The following CSMD1 variants were observed in gnomAD, a reference collection of about 807,000 sequenced individuals.
The protein encoded by CSMD1 is CUB and Sushi multiple domains 1.
CSMD1 carries 213 observed loss-of-function variants against 417.5 expected under a neutral mutation model. The ratio of observed to expected loss-of-function variants is 0.51; its 90% CI spans 0.46 to 0.57. CSMD1 has a LOEUF of 0.57. Ranked by LOEUF, CSMD1 falls within the 20% of genes least tolerant of loss-of-function variation. The pLI, the probability that CSMD1 is intolerant of heterozygous loss-of-function variation, is 0.00. For synonymous variants in CSMD1, 2,862 were observed against 1,736.8 expected, an observed-to-expected ratio of 1.65 and a Z score of -16.11; for missense variants, 6,923 against 4,529.7, an observed-to-expected ratio of 1.53 and a Z score of -15.17.
At chr8:3,102,767 G>A (rs74356760) in intron 46 of CSMD1, among the ~76,000 whole-genome samples, 3,834 of 152,176 alleles carry the variant, frequency 0.025, 138 homozygotes, top group East Asian at 0.18. Context: ...GAGTGTTTCC[G>A]TTAAATATTA....
rs539087825 is a variant in CSMD1 at position 3,054,713 on chromosome 8, A to T, written c.7475-2066T>A. On this transcript the variant is annotated intron_variant, in intron 49 of 69. Transcript: ENST00000635120. ...TGTGCGCACGTGTGTACGTGTGTGT[A>T]CATGTGTGTAGTACATGTGTGTATG... Among the ~76,000 whole-genome samples the T allele has an allele frequency of 2.0e-5, 3 of 152,320 alleles. No individual in the cohort carries two copies. The South Asian group carries it at 6.2e-4, about 32-fold the overall frequency.
chr8:4,877,451 A>G (rs957708532), intron 1 of CSMD1, among the ~76,000 whole-genome samples: 27 of 152,090 alleles, frequency 1.8e-4, no homozygotes, highest in African/African-American at 5.8e-4. Flanking sequence ...TATAAACACC[A>G]GATGTTATAA....
chr8:3,980,373 T>A (rs12677913), intron 5 of CSMD1, among the ~76,000 whole-genome samples: 102 of 151,962 alleles, frequency 6.7e-4, no homozygotes, highest in African/African-American at 2.4e-3. Context: ...ACGCGGTATT[T>A]TAAGTGTTGA....
intron 26 of CSMD1, among the ~76,000 whole-genome samples, chr8:3,237,913 T>A (rs2116949938): frequency 6.8e-6 from 1 of 146,490 alleles, no homozygotes; most frequent in East Asian, 2.0e-4. Flanking sequence ...ACTTATATAT[T>A]TTTGTATATT....
chr8:3,455,374 G>A (rs992467482), intron 12 of CSMD1, among the ~76,000 whole-genome samples: 1 of 152,214 alleles, frequency 6.6e-6, no homozygotes, highest in Non-Finnish European at 1.5e-5. Flanking sequence ...TTCCTTTGGA[G>A]GAGGAGAGGC....
chr8:4,656,422 A>G (rs1428602640), intron 1 of CSMD1, among the ~76,000 whole-genome samples: 2 of 152,076 alleles, frequency 1.3e-5, no homozygotes, highest in Non-Finnish European at 1.5e-5. Flanking sequence ...GGACTAATGT[A>G]TCATTATATT....
At chr8:4,171,055 T>G (rs17069207) in intron 3 of CSMD1, among the ~76,000 whole-genome samples, 3,432 of 151,944 alleles carry the variant, frequency 0.023, 215 homozygotes, top group African/African-American at 0.078. Flanking sequence ...TCCATCCTCA[T>G]CTGTCAGTGT....
chr8:4,414,289 G>C (rs75693736), intron 3 of CSMD1, among the ~76,000 whole-genome samples: 4,321 of 152,276 alleles, frequency 0.028, 101 homozygotes, highest in African/African-American at 0.067. Context: ...ACCCTGGTAA[G>C]AGGAAGCCCC....
intron 3 of CSMD1, among the ~76,000 whole-genome samples, chr8:4,401,300 A>T (rs988079650): frequency 6.6e-6 from 1 of 152,174 alleles, no homozygotes; most frequent in Non-Finnish European, 1.5e-5. Flanking sequence ...GTGCTTTTAT[A>T]ATATTTCTAC....
At chr8:4,582,825 G>C (rs1160789677) in intron 2 of CSMD1, among the ~76,000 whole-genome samples, 1 of 152,218 alleles carries the variant, frequency 6.6e-6, no homozygotes, top group Admixed American at 6.5e-5. Context: ...GGGAGGTGTG[G>C]AGGGAGAGGC....
intron 11 of CSMD1, among the ~76,000 whole-genome samples, chr8:3,471,716 C>T (rs1017050285): frequency 1.4e-5 from 2 of 143,402 alleles, no homozygotes; most frequent in African/African-American, 5.1e-5. Flanking sequence ...TTCCTTCCTT[C>T]CTTCCTTGCT....
chr8:3,886,428 G>A (rs530507118), intron 5 of CSMD1, among the ~76,000 whole-genome samples: 247 of 152,264 alleles, frequency 1.6e-3, no homozygotes, highest in Admixed American at 3.4e-3. Flanking sequence ...GAATGTAATC[G>A]ATTTAACATA....
chr8:4,839,965 T>A (rs188243154), intron 1 of CSMD1, among the ~76,000 whole-genome samples: 1 of 152,294 alleles, frequency 6.6e-6, no homozygotes, highest in East Asian at 1.9e-4. Flanking sequence ...TCTTCAGTGT[T>A]TGCAAGTGTA....
intron 1 of CSMD1, among the ~76,000 whole-genome samples, chr8:4,893,033 G>A (rs543360153): frequency 1.3e-5 from 2 of 152,258 alleles, no homozygotes; most frequent in Middle Eastern, 6.8e-3. Flanking sequence ...CATGGTCAAT[G>A]TCAAACTGAC....
intron 1 of CSMD1, among the ~76,000 whole-genome samples, chr8:4,889,934 T>G (rs1205302382): frequency 6.6e-6 from 1 of 152,126 alleles, no homozygotes; most frequent in Non-Finnish European, 1.5e-5. Flanking sequence ...GTGGTCCTCT[T>G]TACAGCCAGA....
At chr8:3,196,623 T>A (rs917726068) in intron 33 of CSMD1, among the ~76,000 whole-genome samples, 10 of 152,136 alleles carry the variant, frequency 6.6e-5, no homozygotes, top group Non-Finnish European at 1.3e-4. Flanking sequence ...TTCTATTTGA[T>A]TATATCACAG....
At chr8:4,898,452 G>A (rs1262511319) in intron 1 of CSMD1, among the ~76,000 whole-genome samples, 2 of 151,464 alleles carry the variant, frequency 1.3e-5, no homozygotes, top group East Asian at 1.9e-4. Context: ...CATGGGTGTA[G>A]AAAGTGTAAG....
chr8:4,846,647 T>C (rs941978888), intron 1 of CSMD1, among the ~76,000 whole-genome samples: 3 of 152,222 alleles, frequency 2.0e-5, no homozygotes, highest in African/African-American at 7.2e-5. Context: ...TAGCTAAGGA[T>C]GACAACATGG....
intron 3 of CSMD1, among the ~76,000 whole-genome samples, chr8:4,342,410 A>C (rs944283948): frequency 2.6e-5 from 4 of 152,098 alleles, no homozygotes; most frequent in African/African-American, 9.7e-5. Context: ...TGAATAGGTT[A>C]ATCACTTTCT....
Sources: allele counts gnomAD v4.1 joint callset (sites outside exome capture counted in the v4.1 genomes callset), GRCh38; gene constraint gnomAD v4.1.1; transcripts MANE v1.5; gene names NCBI Gene and HGNC (gene_info 2026-07-23, HGNC 2026-07-21).